CNTLN: variants seen among roughly 807,000 people sequenced by gnomAD.
CNTLN encodes the protein centlein, centrosomal protein.
A neutral mutation model predicts 180.0 loss-of-function variants in CNTLN; 212 were observed. That is an observed-to-expected ratio of 1.18 (90% confidence interval 1.05 to 1.32). The LOEUF (loss-of-function observed/expected upper bound fraction) is 1.32, where lower values mean the gene tolerates loss of function less well. Ranked by LOEUF, CNTLN falls within the 40% of genes most tolerant of loss-of-function variation. CNTLN has a pLI of 0.00. For missense variants in CNTLN, 2,095 were observed against 1,610.9 expected (o/e 1.30, Z -5.14); for synonymous variants, 722 against 563.1 (o/e 1.28, Z -3.99).
intron 2 of CNTLN, among the ~76,000 whole-genome samples, chr9:17,172,311 T>C (rs1014339804): frequency 6.6e-6 from 1 of 152,196 alleles, no homozygotes; most frequent in Non-Finnish European, 1.5e-5. Context: ...GAGTAGGCTG[T>C]TGGGGACCAT....
intron 18 of CNTLN, among the ~76,000 whole-genome samples, chr9:17,419,975 C>T (rs975373402): frequency 6.6e-6 from 1 of 152,100 alleles, no homozygotes; most frequent in South Asian, 2.1e-4. Flanking sequence ...AGAGCAGTGG[C>T]GCAATCTCGG....
At chr9:17,343,806 A>C (rs1178199520) in intron 12 of CNTLN, among the ~76,000 whole-genome samples, 1 of 152,020 alleles carries the variant, frequency 6.6e-6, no homozygotes, top group Non-Finnish European at 1.5e-5. Context: ...CTCCCCACCA[A>C]AGCCCATATG....
chr9:17,317,104 G>A (rs972321577), intron 8 of CNTLN, among the ~76,000 whole-genome samples: 2 of 151,330 alleles, frequency 1.3e-5, no homozygotes, highest in African/African-American at 4.9e-5. Flanking sequence ...CATAATTTTT[G>A]GTGAGAAATC....
chr9:17,194,498 A>G (rs1361160780), intron 2 of CNTLN, among the ~76,000 whole-genome samples: 1 of 152,196 alleles, frequency 6.6e-6, no homozygotes, highest in African/African-American at 2.4e-5. Context: ...AAACCTAACA[A>G]GGGTCACCTT....
chr9:17,185,755 T>C (rs1040266443), intron 2 of CNTLN, among the ~76,000 whole-genome samples: 24 of 141,302 alleles, frequency 1.7e-4, no homozygotes, highest in Admixed American at 1.7e-3. Context: ...TCTTTGCTTT[T>C]TGAAATGTTT....
rs931418800 is a variant in CNTLN, at chr9:17,177,138, G to A, written c.449+33762G>A. Among the ~76,000 whole-genome samples, 5 of 151,866 alleles carry A rather than the reference G, an allele frequency of 3.3e-5. No individual in the cohort carries two copies. The East Asian group carries it at 5.8e-4, about 18-fold the overall frequency. On this transcript the variant is annotated intron_variant, in intron 2 of 25. Coordinates refer to ENST00000380647, the MANE Select transcript of CNTLN (RefSeq NM_017738.4). Reference sequence around the variant, plus strand: ...AATTTTCAGTTTCTTGGCTGGGCGCGGTGGCTCACGCCTGTAATCCCAGCA... The same window carrying A: ...AATTTTCAGTTTCTTGGCTGGGCGCAGTGGCTCACGCCTGTAATCCCAGCA...
chr9:17,527,834 A>G, the CNTLN span, among the ~76,000 whole-genome samples: 283 of 152,234 alleles, frequency 1.9e-3, 1 homozygote, highest in African/African-American at 6.3e-3. Flanking sequence ...CAGTGCTCAA[A>G]GAAAAACAAA....
At chr9:17,495,583 G>A (rs981944225) in intron 25 of CNTLN, among the ~76,000 whole-genome samples, 1 of 152,076 alleles carries the variant, frequency 6.6e-6, no homozygotes, top group Non-Finnish European at 1.5e-5. Flanking sequence ...AAAAATTAAA[G>A]CTTACAAAGT....
chr9:17,524,883 C>T, the CNTLN span, among the ~76,000 whole-genome samples: 6 of 152,148 alleles, frequency 3.9e-5, no homozygotes, highest in Non-Finnish European at 5.9e-5. Context: ...ACCTGGGAGA[C>T]GGCTTCTTAC....
chr9:17,402,716 G>A (rs1279445511), intron 15 of CNTLN, among the ~76,000 whole-genome samples: 1 of 151,774 alleles, frequency 6.6e-6, no homozygotes, highest in Non-Finnish European at 1.5e-5. Flanking sequence ...TGCACCATCA[G>A]CTCTCCTGGG....
intron 5 of CNTLN, among the ~76,000 whole-genome samples, chr9:17,261,263 G>T (rs1361058644): frequency 2.0e-5 from 3 of 151,316 alleles, no homozygotes; most frequent in Non-Finnish European, 4.4e-5. Context: ...TTCCTTCATG[G>T]AGTAGGGCCA....
At chr9:17,269,418 C>T (rs937457459) in intron 5 of CNTLN, among the ~76,000 whole-genome samples, 3 of 151,954 alleles carry the variant, frequency 2.0e-5, no homozygotes, top group East Asian at 3.9e-4. Context: ...TGCCTCTTAC[C>T]ATTCCTTTTT....
At chr9:17,227,656 GAA>G (rs1459044186) in intron 3 of CNTLN, among the ~76,000 whole-genome samples, 1 of 151,864 alleles carries the variant, frequency 6.6e-6, no homozygotes, top group African/African-American at 2.4e-5. Flanking sequence ...GTTGTTTTAT[GAA>G]AAGACTAAAA....
intron 16 of CNTLN, among the ~76,000 whole-genome samples, chr9:17,411,755 A>G (rs1472281864): frequency 6.6e-6 from 1 of 152,130 alleles, no homozygotes; most frequent in Non-Finnish European, 1.5e-5. Context: ...GAGGTAGAAC[A>G]GTTTCATCCC....
the CNTLN span, among the ~76,000 whole-genome samples, chr9:17,527,063 A>T: frequency 6.6e-6 from 1 of 152,064 alleles, no homozygotes; most frequent in Non-Finnish European, 1.5e-5. Flanking sequence ...CTGTATTTTT[A>T]GTAGAGATGG....
chr9:17,209,692 T>C (rs1175855919), intron 2 of CNTLN, among the ~76,000 whole-genome samples: 1 of 152,248 alleles, frequency 6.6e-6, no homozygotes, highest in East Asian at 1.9e-4. Context: ...TTTTATAGTT[T>C]TTGTCTTGAA....
intron 2 of CNTLN, among the ~76,000 whole-genome samples, chr9:17,198,493 TAC>T: frequency 6.6e-6 from 1 of 151,288 alleles, no homozygotes; most frequent in Non-Finnish European, 1.5e-5. Context: ...CCTAGGTATT[TAC>T]TTTTATTTGT....
At chr9:17,458,499 T>C (rs1478137494) in intron 19 of CNTLN, among the ~76,000 whole-genome samples, 1 of 151,926 alleles carries the variant, frequency 6.6e-6, no homozygotes, top group African/African-American at 2.4e-5. Flanking sequence ...TGATTGTAAA[T>C]GCACAGAGTA....
chr9:17,227,913 G>A (rs948473094), intron 3 of CNTLN, among the ~76,000 whole-genome samples: 3 of 152,010 alleles, frequency 2.0e-5, no homozygotes, highest in Non-Finnish European at 4.4e-5. Flanking sequence ...GGTAAATGTT[G>A]TCATGTGCCT....
Sources: gnomAD v4.1 joint callset for allele counts (sites outside exome capture counted in the v4.1 genomes callset) on GRCh38, gnomAD v4.1.1 for gene constraint, MANE v1.5 for transcripts, NCBI Gene and HGNC (gene_info 2026-07-23, HGNC 2026-07-21) for gene names.